The following GABRA1 variants were observed in gnomAD, a reference collection of about 807,000 sequenced individuals.
GABRA1 encodes gamma-aminobutyric acid receptor subunit alpha-1.
Under a neutral mutation model 48.9 loss-of-function variants are expected in GABRA1, and 9 were observed. That is an observed-to-expected ratio of 0.18 (90% confidence interval 0.11 to 0.32). The LOEUF (loss-of-function observed/expected upper bound fraction) is 0.32. Among genes scored for constraint, GABRA1 ranks in the 10% least tolerant of loss-of-function variants. The pLI, the probability that GABRA1 is intolerant of heterozygous loss-of-function variation, is 1.00. For missense variants in GABRA1, 285 were observed against 553.8 expected (o/e 0.51, Z 4.87); for synonymous variants, 210 against 198.7 (o/e 1.06, Z -0.48).
intron 4 of GABRA1, among the ~76,000 whole-genome samples, chr5:161,869,227 A>G (rs1165875731): frequency 6.6e-6 from 1 of 152,212 alleles, no homozygotes; most frequent in Non-Finnish European, 1.5e-5. Context: ...AATCTACGTT[A>G]ATAACATAAC....
chr5:161,858,937 A>T (rs1561567578), intron 3 of GABRA1, among the ~76,000 whole-genome samples: 1 of 151,794 alleles, frequency 6.6e-6, no homozygotes, highest in African/African-American at 2.4e-5. Context: ...AACAGAGATG[A>T]TTGTGTATTC....
At position 161,893,688 on chromosome 5, in the gene GABRA1, G is replaced by A. The variant is rs146803270; in HGVS notation, c.857-1978G>A. ...TAATTTTGCTGCCAAATACATCCAA[G>A]TTTGAGATTCAGTCTCGCCACCTAC... On this transcript the variant is annotated intron_variant, in intron 8 of 9. Coordinates refer to ENST00000393943, the MANE Select transcript of GABRA1 (RefSeq NM_001127644.2). Among the ~76,000 whole-genome samples the A allele has an allele frequency of 1.3e-5, 2 of 152,240 alleles. 1 individual carries two copies. The highest frequency in any genetic ancestry group is 2.9e-5 in the Non-Finnish European group (2 of 68,016).
chr5:161,895,447 A>G (rs1396853961), intron 8 of GABRA1, among the ~76,000 whole-genome samples: 2 of 152,178 alleles, frequency 1.3e-5, no homozygotes, highest in African/African-American at 2.4e-5. Context: ...AGAGCAATTT[A>G]TTCCTACAAG....
chr5:161,870,619 A>C lies in GABRA1; in HGVS notation c.256-2498A>C, dbSNP rs988245832. ...AAAGAAAGAAAGAAAGGAAGAAAGA[A>C]AGACAGACAGACAGAAAGAAAGAAA... On this transcript the variant is annotated intron_variant, in intron 4 of 9. Coordinates refer to ENST00000393943, the MANE Select transcript of GABRA1 (RefSeq NM_001127644.2). Among the ~76,000 whole-genome samples the C allele has an allele frequency of 1.0e-3, 158 of 150,822 alleles. 2 individuals are homozygous for C. Among genetic ancestry groups the C allele is most frequent in the African/African-American group, 3.3e-3 (134 of 40,988 alleles).
intron 6 of GABRA1, among the ~76,000 whole-genome samples, chr5:161,878,652 G>T (rs1308643371): frequency 2.6e-5 from 4 of 152,034 alleles, no homozygotes; most frequent in Non-Finnish European, 5.9e-5. Context: ...CTTTCTACTG[G>T]TTATGGATAA....
At chr5:161,850,937 A>T in intron 2 of GABRA1, 53 bp downstream of exon 2, 1 of 1,467,852 alleles carries the variant, frequency 6.8e-7, no homozygotes, top group South Asian at 1.1e-5. Flanking sequence ...CTTTTCATTT[A>T]TTTTATCGGG....
At chr5:161,885,113 A>G (rs775466116) in intron 7 of GABRA1, among the ~76,000 whole-genome samples, 2 of 152,186 alleles carry the variant, frequency 1.3e-5, no homozygotes, top group African/African-American at 4.8e-5. Flanking sequence ...CTGTCACCAC[A>G]TAGTGAATAT....
chr5:161,868,653 C>A (rs755733960), intron 4 of GABRA1, among the ~76,000 whole-genome samples: 2 of 152,098 alleles, frequency 1.3e-5, no homozygotes, highest in Non-Finnish European at 2.9e-5. Flanking sequence ...TCTCTGGCAC[C>A]TGGCATGGTG....
chr5:161,891,900 G>T (rs1314168308), intron 8 of GABRA1, among the ~76,000 whole-genome samples: 1 of 152,114 alleles, frequency 6.6e-6, no homozygotes, highest in South Asian at 2.1e-4. Context: ...TTTATACTAG[G>T]CGCTATTCTA....
intron 5 of GABRA1, among the ~76,000 whole-genome samples, chr5:161,874,463 C>T (rs1285815590): frequency 2.6e-5 from 4 of 152,038 alleles, no homozygotes. Flanking sequence ...GATGAAACAC[C>T]ATACACTTGG....
chr5:161,854,052 A>G (rs2113306412), intron 2 of GABRA1, 106 bp from the exon 3 acceptor site: 1 of 595,834 alleles, frequency 1.7e-6, no homozygotes, highest in East Asian at 2.7e-5. Context: ...TCAAGTTAAG[A>G]TTCAGTAGAA....
intron 4 of GABRA1, chr5:161,872,321 G>A (rs1693153294): frequency 6.6e-6 from 1 of 152,528 alleles, no homozygotes; most frequent in African/African-American, 2.4e-5. Flanking sequence ...TTGTCTCTGG[G>A]TATTGCCATA....
intron 1 of GABRA1, among the ~76,000 whole-genome samples, chr5:161,849,514 G>A (rs984020773): frequency 2.0e-5 from 3 of 151,902 alleles, no homozygotes; most frequent in South Asian, 2.1e-4. Context: ...AGACCATTTC[G>A]CTCTAAACAT....
intron 3 of GABRA1, among the ~76,000 whole-genome samples, chr5:161,864,891 C>T (rs1757994843): frequency 6.6e-6 from 1 of 151,626 alleles, no homozygotes; most frequent in Non-Finnish European, 1.5e-5. Context: ...TACTGCACTG[C>T]ATTTTTCAGA....
At chr5:161,863,317 C>G (rs1349022775) in intron 3 of GABRA1, among the ~76,000 whole-genome samples, 1 of 151,816 alleles carries the variant, frequency 6.6e-6, no homozygotes, top group African/African-American at 2.4e-5. Flanking sequence ...AAAGAAAACA[C>G]GATTTATTGG....
chr5:161,878,384 G>A (rs1441201745), intron 6 of GABRA1, among the ~76,000 whole-genome samples: 1 of 152,144 alleles, frequency 6.6e-6, no homozygotes, highest in Non-Finnish European at 1.5e-5. Flanking sequence ...GGCCTACTTA[G>A]CATATTTCAA....
chr5:161,882,435 A>T, intron 6 of GABRA1, 123 bp from the exon 7 acceptor site: 1 of 937,560 alleles, frequency 1.1e-6, no homozygotes, highest in South Asian at 1.4e-5. Context: ...ACATAAGCTC[A>T]TCTTTCCTAG....
intron 5 of GABRA1, 56 bp downstream of exon 5, chr5:161,873,393 T>C: frequency 8.8e-6 from 12 of 1,362,800 alleles, no homozygotes; most frequent in Non-Finnish European, 1.2e-5. Context: ...TCCCTTCCAC[T>C]TGTAGGCAAT....
chr5:161,882,436 T>C (rs1754656816), intron 6 of GABRA1, 122 bp from the exon 7 acceptor site: 2 of 944,104 alleles, frequency 2.1e-6, no homozygotes. Context: ...CATAAGCTCA[T>C]CTTTCCTAGC....
Sources: allele counts gnomAD v4.1 joint callset (sites outside exome capture counted in the v4.1 genomes callset), GRCh38; gene constraint gnomAD v4.1.1; transcripts MANE v1.5; gene names NCBI Gene and HGNC (gene_info 2026-07-23, HGNC 2026-07-21).